CSMD3: variants seen among roughly 807,000 people sequenced by gnomAD.
The protein encoded by CSMD3 is CUB and sushi domain-containing protein 3.
Under a neutral mutation model 435.2 loss-of-function variants are expected in CSMD3, and 177 were observed. That is an observed-to-expected ratio of 0.41 (90% CI 0.36 to 0.46). The LOEUF is 0.46. Among genes scored for constraint, CSMD3 ranks in the 20% least tolerant of loss-of-function variants. The pLI is 0.34. For missense variants in CSMD3, 4,265 were observed against 4,504.6 expected, an observed-to-expected ratio of 0.95 and a Z score of 1.52; for synonymous variants, 1,656 against 1,520.5, an observed-to-expected ratio of 1.09 and a Z score of -2.07.
chr8:112,351,223 T>C lies in CSMD3; in HGVS notation c.6277A>G (p.Met2093Val), dbSNP rs1285075493. The C allele has an allele frequency of 6.2e-7, 1 of 1,609,600 alleles. No individual in the cohort carries two copies. Residue 2093 changes from methionine to valine, a missense_variant, in exon 40 of 71, where the codon ATG (methionine) becomes GTG (valine). Physicochemically the swap from Met to Val is conservative, Grantham distance 21. Transcript: ENST00000297405. ...TTCCATCTTCTTACAGGTCCTGGCA[T>C]ACATGTAATGTGAGAGTGACCCTAC... The part of the protein sequence containing the change: ...SLQGHSHITC[M>V]PGPVRRWNYP...
intron 6 of CSMD3, among the ~76,000 whole-genome samples, chr8:112,989,740 T>C (rs2085383893): frequency 6.6e-6 from 1 of 151,986 alleles, no homozygotes; most frequent in African/African-American, 2.4e-5. Context: ...GCAAAAGGGA[T>C]GATGTGTGAC....
intron 5 of CSMD3, among the ~76,000 whole-genome samples, chr8:113,089,437 T>A (rs1336247521): frequency 6.6e-6 from 1 of 152,246 alleles, no homozygotes; most frequent in East Asian, 1.9e-4. Context: ...AGAACATAAA[T>A]CATATTATCT....
At chr8:112,346,859 T>G (rs1036594718) in intron 40 of CSMD3, among the ~76,000 whole-genome samples, 1 of 151,840 alleles carries the variant, frequency 6.6e-6, no homozygotes, top group Non-Finnish European at 1.5e-5. Context: ...TTTGTATTTT[T>G]AGTAGAGACG....
intron 12 of CSMD3, among the ~76,000 whole-genome samples, chr8:112,826,052 G>T (rs928893060): frequency 6.6e-6 from 1 of 152,134 alleles, no homozygotes; most frequent in African/African-American, 2.4e-5. Flanking sequence ...TGGAGTTCCT[G>T]CAGGGAGGCC....
intron 27 of CSMD3, among the ~76,000 whole-genome samples, chr8:112,520,968 G>C (rs1360524769): frequency 6.6e-6 from 1 of 151,800 alleles, no homozygotes; most frequent in Non-Finnish European, 1.5e-5. Context: ...TTTTAAAATG[G>C]AGAAGTTGGC....
At chr8:112,522,060 C>T (rs1824344589) in intron 27 of CSMD3, among the ~76,000 whole-genome samples, 1 of 151,576 alleles carries the variant, frequency 6.6e-6, no homozygotes, top group African/African-American at 2.4e-5. Context: ...TTGTATGCTA[C>T]CATTTATTTC....
At position 112,224,029 on chromosome 8, in the gene CSMD3, A is replaced by G. The variant is rs1812363435; in HGVS notation, c.*742T>C. The G allele has an allele frequency of 6.6e-6, 1 of 152,218 alleles. No individual in the cohort carries two copies. Among genetic ancestry groups the G allele is most frequent in the Non-Finnish European group, 1.5e-5 (1 of 68,034 alleles). 9.4% of individuals were successfully genotyped at this position (152,218 alleles called of 1,614,324 possible). A position where few individuals can be genotyped will look rare whatever the true frequency, so the allele number is the denominator to read the frequency against. ...AGGAAAAAACCATATTGAAGCAAGG[A>G]GTGAAACACTACCCCATAGCTCACT... On this transcript the variant is annotated 3_prime_UTR_variant, in exon 71 of 71. Coordinates refer to ENST00000297405, the MANE Select transcript of CSMD3 (RefSeq NM_198123.2).
At chr8:112,998,218 G>A (rs2085728435) in intron 6 of CSMD3, among the ~76,000 whole-genome samples, 1 of 151,848 alleles carries the variant, frequency 6.6e-6, no homozygotes, top group East Asian at 1.9e-4. Context: ...ATTATTCAGT[G>A]AACATTTATT....
At chr8:112,436,215 T>C (rs1814327223) in intron 32 of CSMD3, among the ~76,000 whole-genome samples, 3 of 151,906 alleles carry the variant, frequency 2.0e-5, no homozygotes, top group South Asian at 4.1e-4. Flanking sequence ...TTATCCTATC[T>C]TGAGAAACTG....
intron 3 of CSMD3, among the ~76,000 whole-genome samples, chr8:113,234,904 G>A (rs973833135): frequency 2.0e-5 from 3 of 152,036 alleles, no homozygotes; most frequent in South Asian, 4.1e-4. Flanking sequence ...TTTTTTTAAG[G>A]AGAAATGCCT....
chr8:113,244,718 T>G (rs959825724), intron 3 of CSMD3, among the ~76,000 whole-genome samples: 9 of 152,180 alleles, frequency 5.9e-5, no homozygotes, highest in African/African-American at 2.2e-4. Flanking sequence ...TTTTCTTCAT[T>G]GAGTTGTTTT....
At chr8:112,951,397 C>T (rs570616066) in intron 8 of CSMD3, among the ~76,000 whole-genome samples, 3 of 151,504 alleles carry the variant, frequency 2.0e-5, no homozygotes, top group African/African-American at 7.2e-5. Flanking sequence ...CATAATATAC[C>T]CTAAAGATAA....
intron 32 of CSMD3, among the ~76,000 whole-genome samples, chr8:112,451,662 C>G (rs1816291056): frequency 6.6e-6 from 1 of 152,010 alleles, no homozygotes; most frequent in African/African-American, 2.4e-5. Context: ...CCTCAGCCTC[C>G]CAAGTACCTG....
chr8:112,328,810 C>A (rs554403859), intron 45 of CSMD3, among the ~76,000 whole-genome samples: 6 of 152,236 alleles, frequency 3.9e-5, no homozygotes, highest in African/African-American at 1.4e-4. Context: ...ACATTTAAAA[C>A]GTGCCTGCTT....
chr8:112,468,243 T>G (rs999811225), intron 32 of CSMD3, among the ~76,000 whole-genome samples: 3 of 151,362 alleles, frequency 2.0e-5, no homozygotes, highest in Non-Finnish European at 4.4e-5. Flanking sequence ...TATTTTTTTT[T>G]TTTTTTTTTT....
intron 38 of CSMD3, among the ~76,000 whole-genome samples, chr8:112,363,282 A>T (rs575419713): frequency 3.0e-4 from 45 of 152,132 alleles, no homozygotes; most frequent in Non-Finnish European, 3.8e-4. Context: ...ACAAATGTTA[A>T]CTATTGTTGA....
chr8:113,003,175 G>A (rs2085929470), intron 6 of CSMD3, among the ~76,000 whole-genome samples: 1 of 152,104 alleles, frequency 6.6e-6, no homozygotes, highest in African/African-American at 2.4e-5. Context: ...AACCCAGGCA[G>A]CGGAGGTTGC....
rs1463437844 is a variant in CSMD3 at position 112,380,351 on chromosome 8, CCTGTGTA to C, written c.6130_6136del (p.Tyr2044GlnfsTer28). 6.8e-7 allele frequency: 1 copy of C among 1,479,066 alleles called. No homozygotes were observed. Among genetic ancestry groups the C allele is most frequent in the African/African-American group, 1.4e-5 (1 of 72,120 alleles). 91.6% of individuals were successfully genotyped at this position (1,479,066 alleles called of 1,614,324 possible). On this transcript the variant is annotated frameshift_variant and splice_region_variant, in exon 38 of 71. Transcript: ENST00000297405. LOFTEE classifies it high-confidence loss of function. ...TGAATGGCACATGATATTATTTTTA[CCTGTGTA>C]TTCAAGATGAAATCCTGCAGCAGAA...
chr8:112,279,476 A>C (rs2130561300), intron 59 of CSMD3, among the ~76,000 whole-genome samples: 1 of 152,328 alleles, frequency 6.6e-6, no homozygotes, highest in South Asian at 2.1e-4. Context: ...GTAATAAATT[A>C]ATATTAATTA....
Sources: gnomAD v4.1 joint callset for allele counts (sites outside exome capture counted in the v4.1 genomes callset) on GRCh38, gnomAD v4.1.1 for gene constraint, MANE v1.5 for transcripts, NCBI Gene and HGNC (gene_info 2026-07-23, HGNC 2026-07-21) for gene names.